Variants in ZFHX3 observed in about 807,000 individuals in gnomAD.
The protein encoded by ZFHX3 is zinc finger homeobox 3.
ZFHX3 carries 42 observed loss-of-function variants against 279.1 expected under a neutral mutation model. The ratio of observed to expected loss-of-function variants is 0.15; its 90% confidence interval spans 0.12 to 0.19. The LOEUF (loss-of-function observed/expected upper bound fraction) is 0.19. Ranked by LOEUF, ZFHX3 falls within the 10% of genes least tolerant of loss-of-function variation. ZFHX3 has a pLI of 1.00. For missense variants in ZFHX3, 4,981 were observed against 4,754.0 expected, an observed-to-expected ratio of 1.05 and a Z score of -1.40; for synonymous variants, 2,293 against 1,957.8, an observed-to-expected ratio of 1.17 and a Z score of -4.52.
chr16:72,820,711 CACAGTCCAGGG>C (rs977553288), intron 5 of ZFHX3, among the ~76,000 whole-genome samples: 1 of 152,128 alleles, frequency 6.6e-6, no homozygotes, highest in African/African-American at 2.4e-5. Flanking sequence ...GATGGGTGGC[CACAGTCCAGGG>C]ACACACTAGG....
intron 8 of ZFHX3, 21 bp downstream of exon 8, chr16:72,800,006 G>T (rs1435842832): frequency 2.5e-6 from 4 of 1,607,270 alleles, no homozygotes; most frequent in Non-Finnish European, 3.4e-6. Flanking sequence ...ATTTCTTGGG[G>T]TCAAGAATAA....
chr16:72,821,481 A>G (rs183415923), intron 5 of ZFHX3, among the ~76,000 whole-genome samples: 107 of 152,314 alleles, frequency 7.0e-4, no homozygotes, highest in African/African-American at 2.4e-3. Context: ...AAGGCCTAGG[A>G]TAAGTGACCT....
intron 1 of ZFHX3, among the ~76,000 whole-genome samples, chr16:72,991,522 C>A (rs1295013852): frequency 2.0e-5 from 3 of 152,164 alleles, no homozygotes; most frequent in African/African-American, 7.2e-5. Flanking sequence ...ATCATCTTTA[C>A]CCCATAGGGT....
chr16:73,374,949 A>T (rs2016697320), intron 3 of ZFHX3, among the ~76,000 whole-genome samples: 1 of 152,306 alleles, frequency 6.6e-6, no homozygotes, highest in African/African-American at 2.4e-5. Context: ...AAGGGATTTC[A>T]TTGCCTGCTT....
At chr16:73,304,924 T>C (rs1485715083) in intron 4 of ZFHX3, among the ~76,000 whole-genome samples, 3 of 152,140 alleles carry the variant, frequency 2.0e-5, no homozygotes, top group East Asian at 1.9e-4. Context: ...TTTGGGAGCA[T>C]GTCAGTAGCT....
intron 1 of ZFHX3, among the ~76,000 whole-genome samples, chr16:73,033,334 G>A (rs892458649): frequency 6.6e-6 from 1 of 152,070 alleles, no homozygotes; most frequent in Non-Finnish European, 1.5e-5. Flanking sequence ...TCCCTTCCAG[G>A]CGCCTCCGAG....
intron 3 of ZFHX3, among the ~76,000 whole-genome samples, chr16:73,353,031 GC>G (rs1294789380): frequency 6.6e-6 from 1 of 152,130 alleles, no homozygotes; most frequent in African/African-American, 2.4e-5. Flanking sequence ...GTCTCTGCCT[GC>G]CCCGCCCTAG....
At chr16:72,925,542 C>T (rs1317100955) in intron 3 of ZFHX3, among the ~76,000 whole-genome samples, 1 of 152,244 alleles carries the variant, frequency 6.6e-6, no homozygotes, top group Non-Finnish European at 1.5e-5. Flanking sequence ...ACAGGTGATC[C>T]TGATGGTCAC....
intron 5 of ZFHX3, chr16:73,232,201 C>T (rs2012797307): frequency 6.6e-6 from 1 of 152,238 alleles, no homozygotes; most frequent in Admixed American, 6.5e-5. Flanking sequence ...GCGGTTCTGC[C>T]TCCTCCGGCC....
Position 72,976,886 on chromosome 16 carries a change from T to G in ZFHX3, c.-49-16692A>C, listed in dbSNP as rs1470540582. On this transcript the variant is annotated intron_variant, in intron 1 of 9. Transcript: ENST00000268489. ...TGAGACCTCGGTTCAACTCCGCCAG[T>G]GCCCCGGGAGTTCTAACCCCCACGG... Among the ~76,000 whole-genome samples, 3 of 151,582 alleles carry G rather than the reference T, an allele frequency of 2.0e-5. No homozygotes were observed. In the East Asian group the frequency reaches 5.9e-4, roughly 30 times the overall value.
chr16:73,674,076 C>T (rs1285605607), intron 2 of ZFHX3, among the ~76,000 whole-genome samples: 3 of 152,146 alleles, frequency 2.0e-5, no homozygotes, highest in South Asian at 4.1e-4. Context: ...AAAATGTACT[C>T]AACTCTAATT....
At chr16:73,699,866 G>C (rs573065476) in intron 1 of ZFHX3, among the ~76,000 whole-genome samples, 1 of 152,252 alleles carries the variant, frequency 6.6e-6, no homozygotes, top group South Asian at 2.1e-4. Context: ...CACAGGATGA[G>C]AAATTTGGGG....
chr16:73,156,225 C>G (rs1374638490), intron 5 of ZFHX3, among the ~76,000 whole-genome samples: 1 of 122,552 alleles, frequency 8.2e-6, no homozygotes, highest in African/African-American at 3.2e-5. Flanking sequence ...GAGTGAGACT[C>G]CCTCTCAAAA....
At chr16:73,511,575 A>AAATCTTG (rs2019429506) in intron 2 of ZFHX3, among the ~76,000 whole-genome samples, 1 of 152,204 alleles carries the variant, frequency 6.6e-6, no homozygotes, top group African/African-American at 2.4e-5. Context: ...ACTGTTTTTG[A>AAATCTTG]AAACCTTGAA....
At chr16:73,313,136 C>T (rs2015365350) in intron 4 of ZFHX3, among the ~76,000 whole-genome samples, 1 of 152,126 alleles carries the variant, frequency 6.6e-6, no homozygotes, top group African/African-American at 2.4e-5. Context: ...GTGTGTGGCA[C>T]CTCCCCCTTT....
At chr16:73,446,017 C>G (rs1703541549) in intron 3 of ZFHX3, among the ~76,000 whole-genome samples, 1 of 152,190 alleles carries the variant, frequency 6.6e-6, no homozygotes, top group Non-Finnish European at 1.5e-5. Context: ...CTGGGATCAC[C>G]TTACAAATAA....
rs984568678 is a variant in ZFHX3 at position 73,776,666 on chromosome 16, T to C, written c.-1607-96426A>G. Among the ~76,000 whole-genome samples the C allele has an allele frequency of 9.9e-5, 15 of 152,160 alleles. No homozygotes were observed. The East Asian group carries it at 2.9e-3, about 30-fold the overall frequency. ...TAAGACCAGGGGGATTGGGATAAGG[T>C]AAAGTTAATTGCGTTTCCAGATGAC... On this transcript the variant is annotated intron_variant, in intron 1 of 17. Coordinates refer to the ZFHX3 transcript ENST00000641206.
chr16:73,786,024 C>T (rs976106961), intron 1 of ZFHX3, among the ~76,000 whole-genome samples: 1 of 152,100 alleles, frequency 6.6e-6, no homozygotes, highest in Admixed American at 6.6e-5. Flanking sequence ...GCATGCACCA[C>T]CACACTTGGC....
chr16:72,911,751 C>T (rs2039322839), intron 3 of ZFHX3, among the ~76,000 whole-genome samples: 1 of 152,228 alleles, frequency 6.6e-6, no homozygotes. Flanking sequence ...TGGTGGCCAC[C>T]ACGCTGGACA....
Sources: allele counts gnomAD v4.1 joint callset (sites outside exome capture counted in the v4.1 genomes callset), GRCh38; gene constraint gnomAD v4.1.1; transcripts MANE v1.5; gene names NCBI Gene and HGNC (gene_info 2026-07-23, HGNC 2026-07-21).